EPHA5: variants seen among roughly 807,000 people sequenced by gnomAD.
EPHA5 encodes ephrin type-A receptor 5.
EPHA5 carries 60 observed loss-of-function variants against 105.0 expected under a neutral mutation model. The ratio of observed to expected loss-of-function variants is 0.57; its 90% CI spans 0.46 to 0.71. The LOEUF is 0.71. EPHA5 is among the 30% of genes least tolerant of loss of function. EPHA5 has a pLI of 0.00. For missense variants in EPHA5, 1,218 were observed against 1,274.7 expected, an observed-to-expected ratio of 0.96 and a Z score of 0.68; for synonymous variants, 513 against 449.1, an observed-to-expected ratio of 1.14 and a Z score of -1.80.
intron 3 of EPHA5, among the ~76,000 whole-genome samples, chr4:65,562,377 T>A (rs1739099330): frequency 6.6e-6 from 1 of 152,070 alleles, no homozygotes; most frequent in Admixed American, 6.6e-5. Flanking sequence ...CGTTTAGGGT[T>A]CTCCAAAATG....
At position 65,573,882 on chromosome 4, in the gene EPHA5, C is replaced by T; in HGVS notation, c.910+27759G>A. 1.9e-6 allele frequency: 3 copies of T among 1,612,026 alleles called. No homozygotes were observed. In the South Asian group the frequency reaches 3.3e-5, roughly 18 times the overall value. The stretch of plus-strand genomic sequence containing the variant: ...CTTCAGTCAGCACGTGAGAAAACTG[C>T]GAGCCAGCATTACCCCCGGGACCAT... On this transcript the variant is annotated intron_variant, in intron 3 of 16. Coordinates refer to ENST00000613740, the MANE Select transcript of EPHA5 (RefSeq NM_001281766.3).
chr4:65,461,463 G>A (rs186989714), intron 5 of EPHA5, among the ~76,000 whole-genome samples: 18 of 151,908 alleles, frequency 1.2e-4, no homozygotes, highest in Admixed American at 3.3e-4. Context: ...ACATATTTTC[G>A]ATATACAAAT....
Position 65,483,084 on chromosome 4 carries a change from C to A in EPHA5, c.1402+7293G>T, listed in dbSNP as rs576103786. On this transcript the variant is annotated intron_variant, in intron 5 of 16. Coordinates refer to ENST00000613740, the MANE Select transcript of EPHA5 (RefSeq NM_001281766.3). Reference sequence around the variant, plus strand: ...GTCCAAGTGTTCTCATTGTTCAATTCCCACCTATGAGTGAGAACATGTGGT... The same window carrying A: ...GTCCAAGTGTTCTCATTGTTCAATTACCACCTATGAGTGAGAACATGTGGT... Among the ~76,000 whole-genome samples the A allele has an allele frequency of 2.0e-5, 3 of 152,202 alleles. No homozygotes were observed. The South Asian group carries it at 6.2e-4, about 32-fold the overall frequency.
chr4:65,622,829 T>C (rs756373995), intron 2 of EPHA5, among the ~76,000 whole-genome samples: 1 of 152,040 alleles, frequency 6.6e-6, no homozygotes, highest in Non-Finnish European at 1.5e-5. Flanking sequence ...AGGGACTTGG[T>C]CTGGCTTCCA....
At chr4:65,501,506 A>T in intron 3 of EPHA5, among the ~76,000 whole-genome samples, 1 of 151,572 alleles carries the variant, frequency 6.6e-6, no homozygotes, top group Non-Finnish European at 1.5e-5. Context: ...CATTCACAAT[A>T]GCCACAAAAA....
intron 15 of EPHA5, among the ~76,000 whole-genome samples, chr4:65,333,297 ATTCCATTTACC>A (rs1211740635): frequency 6.6e-6 from 1 of 151,736 alleles, no homozygotes; most frequent in Non-Finnish European, 1.5e-5. Flanking sequence ...ACTTTCTCAC[ATTCCATTTACC>A]CTTGAGTATA....
Position 65,465,528 on chromosome 4 carries a change from A to AAAG in EPHA5, c.1402+24848_1402+24849insCTT, listed in dbSNP as rs757529518. 1.1e-3 allele frequency among the ~76,000 whole-genome samples: 84 copies of AAAG among 76,304 alleles called. 2 individuals carry two copies. The highest frequency in any genetic ancestry group is 5.5e-3 in the East Asian group (11 of 2,016). The allele number at this position is 76,304 out of a possible 152,430, so 50.1% of individuals were successfully genotyped here. A position where few individuals can be genotyped will look rare whatever the true frequency, so the allele number is the denominator to read the frequency against. ...GAAAGAAAGAAAGAAAGAAAGAAAGAAAAGAAAGGAAAGGAAGGAAAGGAA... is the reference window on the plus strand; with the variant it reads ...GAAAGAAAGAAAGAAAGAAAGAAAGAAAGAAAGAAAGGAAAGGAAGGAAAGGAA... On this transcript the variant is annotated intron_variant, in intron 5 of 16. Coordinates refer to ENST00000613740, the MANE Select transcript of EPHA5 (RefSeq NM_001281766.3).
chr4:65,664,844 G>T (rs1429920600), intron 1 of EPHA5, among the ~76,000 whole-genome samples: 1 of 151,620 alleles, frequency 6.6e-6, no homozygotes, highest in Admixed American at 6.6e-5. Flanking sequence ...CAAATACTAC[G>T]ATCAATTTTT....
intron 11 of EPHA5, among the ~76,000 whole-genome samples, chr4:65,354,454 C>T (rs1349521513): frequency 1.3e-5 from 2 of 151,602 alleles, no homozygotes; most frequent in Middle Eastern, 3.2e-3. Context: ...CCCCTTTACT[C>T]TTTAATAGAA....
rs181845531 is a variant in EPHA5 at position 65,421,090 on chromosome 4, T to C, written c.1403-525A>G. On this transcript the variant is annotated intron_variant, in intron 5 of 16. Coordinates refer to ENST00000613740, the MANE Select transcript of EPHA5 (RefSeq NM_001281766.3). ...ACCAAAGATATGATACACTTTAAAATAAGAGCAAATAAAATAAACTTTTTT... is the reference window on the plus strand; with the variant it reads ...ACCAAAGATATGATACACTTTAAAACAAGAGCAAATAAAATAAACTTTTTT... Among the ~76,000 whole-genome samples, 30 of 152,174 alleles carry C rather than the reference T, an allele frequency of 2.0e-4. No homozygotes were observed. The East Asian group carries it at 5.4e-3, about 27-fold the overall frequency.
rs149108456 is a variant in EPHA5 at position 65,440,152 on chromosome 4, A to T, written c.1403-19587T>A. On this transcript the variant is annotated intron_variant, in intron 5 of 16. Coordinates refer to ENST00000613740, the MANE Select transcript of EPHA5 (RefSeq NM_001281766.3). Reference sequence around the variant, plus strand: ...GTTTGCCTTTTAATAATATATTTGAAAATGTTATTTCTAACTTCAGAAATA... The same window carrying T: ...GTTTGCCTTTTAATAATATATTTGATAATGTTATTTCTAACTTCAGAAATA... 2.7e-4 allele frequency among the ~76,000 whole-genome samples: 41 copies of T among 152,190 alleles called. No homozygotes were observed. In the East Asian group the frequency reaches 7.9e-3, roughly 29 times the overall value.
chr4:65,635,095 C>A (rs889884501), intron 2 of EPHA5, among the ~76,000 whole-genome samples: 1 of 152,026 alleles, frequency 6.6e-6, no homozygotes, highest in African/African-American at 2.4e-5. Context: ...TATTCACAGT[C>A]CATTTTGAGT....
chr4:65,549,382 C>A (rs891480181), intron 3 of EPHA5, among the ~76,000 whole-genome samples: 1 of 151,932 alleles, frequency 6.6e-6, no homozygotes, highest in Non-Finnish European at 1.5e-5. Context: ...AATGGAAGGG[C>A]CTAGATGCAA....
At chr4:65,628,142 T>C (rs1030924885) in intron 2 of EPHA5, among the ~76,000 whole-genome samples, 2 of 152,112 alleles carry the variant, frequency 1.3e-5, no homozygotes, top group African/African-American at 4.8e-5. Flanking sequence ...ACACTGACGA[T>C]ACTTGGCTAA....
At chr4:65,639,890 A>T (rs935535198) in intron 2 of EPHA5, among the ~76,000 whole-genome samples, 1 of 152,100 alleles carries the variant, frequency 6.6e-6, no homozygotes, top group Non-Finnish European at 1.5e-5. Context: ...TTGTTTTTAT[A>T]CTTTTCAACT....
intron 2 of EPHA5, among the ~76,000 whole-genome samples, chr4:65,621,408 T>A (rs1745694418): frequency 6.6e-6 from 1 of 152,158 alleles, no homozygotes; most frequent in Non-Finnish European, 1.5e-5. Flanking sequence ...ATACCCATAT[T>A]TGATTCTCTA....
chr4:65,495,325 A>C, intron 4 of EPHA5, 63 bp downstream of exon 4: 1 of 1,520,574 alleles, frequency 6.6e-7, no homozygotes, highest in Non-Finnish European at 9.0e-7. Flanking sequence ...AACAGGCTCC[A>C]TCATGCTGTT....
At chr4:65,417,733 T>A (rs1279506588) in intron 6 of EPHA5, among the ~76,000 whole-genome samples, 1 of 152,064 alleles carries the variant, frequency 6.6e-6, no homozygotes, top group Non-Finnish European at 1.5e-5. Flanking sequence ...TCAAAAAAAA[T>A]TAAACTATAA....
intron 3 of EPHA5, among the ~76,000 whole-genome samples, chr4:65,531,495 C>A (rs142960983): frequency 6.9e-6 from 1 of 144,276 alleles, no homozygotes; most frequent in African/African-American, 2.5e-5. Flanking sequence ...GGAATCTGAT[C>A]ATAAAGAGGA....
Sources: gnomAD v4.1 joint callset for allele counts (sites outside exome capture counted in the v4.1 genomes callset) on GRCh38, gnomAD v4.1.1 for gene constraint, MANE v1.5 for transcripts, NCBI Gene and HGNC (gene_info 2026-07-23, HGNC 2026-07-21) for gene names.